Variants in FOXP1 observed in about 807,000 individuals in gnomAD.
The protein encoded by FOXP1 is forkhead box protein P1.
A neutral mutation model predicts 98.2 loss-of-function variants in FOXP1; 15 were observed. That is an observed-to-expected ratio of 0.15 (90% CI 0.10 to 0.24). The LOEUF (loss-of-function observed/expected upper bound fraction) is 0.24, where lower values mean the gene tolerates loss of function less well. Ranked by LOEUF, FOXP1 falls within the 10% of genes least tolerant of loss-of-function variation. The pLI is 1.00. For missense variants in FOXP1, 633 were observed against 848.5 expected (o/e 0.75, Z 3.15); for synonymous variants, 371 against 314.5 (o/e 1.18, Z -1.90).
At chr3:71,241,386 G>A (rs965268175) in intron 5 of FOXP1, among the ~76,000 whole-genome samples, 2 of 152,134 alleles carry the variant, frequency 1.3e-5, no homozygotes, top group Non-Finnish European at 2.9e-5. Context: ...CTGACTTAGG[G>A]GCGAGTGGAG....
At chr3:71,522,828 A>T (rs1198589842) in intron 2 of FOXP1, among the ~76,000 whole-genome samples, 2 of 152,146 alleles carry the variant, frequency 1.3e-5, no homozygotes, top group African/African-American at 4.8e-5. Context: ...TAAAGTCAAG[A>T]GAGACACTGC....
chr3:71,404,126 T>TTTC (rs2082142525), intron 3 of FOXP1, among the ~76,000 whole-genome samples: 1 of 47,172 alleles, frequency 2.1e-5, no homozygotes, highest in Non-Finnish European at 6.0e-5. Context: ...TTTTCTTTTT[T>TTTC]TTTTTTTTTT....
intron 3 of FOXP1, among the ~76,000 whole-genome samples, chr3:71,428,428 T>C (rs1222552110): frequency 6.6e-6 from 1 of 152,262 alleles, no homozygotes; most frequent in Non-Finnish European, 1.5e-5. Context: ...GTGCAAAATA[T>C]GGCAGCAGTA....
intron 4 of FOXP1, among the ~76,000 whole-genome samples, chr3:71,327,280 A>G (rs1006288801): frequency 8.7e-5 from 2 of 22,886 alleles, no homozygotes; most frequent in African/African-American, 1.7e-4. Context: ...TTGTTAGTCC[A>G]AAGAGGGGAA....
intron 6 of FOXP1, chr3:71,197,969 A>T (rs1294726643): frequency 6.2e-7 from 1 of 1,614,120 alleles, no homozygotes; most frequent in Non-Finnish European, 8.5e-7. Flanking sequence ...ACTGCTCCCC[A>T]CAAGGGGACC....
At chr3:70,963,759 G>A (rs1022028369) in intron 20 of FOXP1, among the ~76,000 whole-genome samples, 1 of 152,176 alleles carries the variant, frequency 6.6e-6, no homozygotes, top group East Asian at 1.9e-4. Flanking sequence ...CTCCTTTAGC[G>A]CCTATCAGGA....
chr3:71,444,766 T>C (rs982232720), intron 3 of FOXP1, among the ~76,000 whole-genome samples: 1 of 152,012 alleles, frequency 6.6e-6, no homozygotes, highest in Non-Finnish European at 1.5e-5. Context: ...CTTCCCTACA[T>C]CAGATAAGAA....
chr3:71,421,987 T>C (rs2083689375), intron 3 of FOXP1, among the ~76,000 whole-genome samples: 1 of 152,202 alleles, frequency 6.6e-6, no homozygotes, highest in Non-Finnish European at 1.5e-5. Flanking sequence ...AGATGCTTCC[T>C]TTTGAAATTT....
intron 5 of FOXP1, among the ~76,000 whole-genome samples, chr3:71,266,111 G>A (rs1332360137): frequency 2.0e-5 from 3 of 152,230 alleles, no homozygotes; most frequent in South Asian, 2.1e-4. Flanking sequence ...AACACAGCAA[G>A]CAAGCCAGGA....
chr3:71,322,788 G>T (rs977308625), intron 4 of FOXP1, among the ~76,000 whole-genome samples: 28 of 152,290 alleles, frequency 1.8e-4, no homozygotes, highest in Middle Eastern at 3.4e-3. Flanking sequence ...CAGAGATGCG[G>T]ATGCAGTAGA....
intron 3 of FOXP1, among the ~76,000 whole-genome samples, chr3:71,383,710 C>T (rs1045971276): frequency 1.3e-5 from 2 of 152,118 alleles, no homozygotes; most frequent in Non-Finnish European, 2.9e-5. Flanking sequence ...TGACACATCG[C>T]TTGAAACATG....
intron 11 of FOXP1, among the ~76,000 whole-genome samples, chr3:71,021,235 C>A (rs2045383816): frequency 6.6e-6 from 1 of 152,226 alleles, no homozygotes; most frequent in African/African-American, 2.4e-5. Context: ...AATCCCTAAT[C>A]TTTCTGTCTC....
At chr3:71,273,029 C>G (rs1008034778) in intron 5 of FOXP1, among the ~76,000 whole-genome samples, 2 of 152,192 alleles carry the variant, frequency 1.3e-5, no homozygotes, top group Non-Finnish European at 2.9e-5. Context: ...TAAGGGGAGG[C>G]CTCACACTCG....
intron 6 of FOXP1, among the ~76,000 whole-genome samples, chr3:71,170,756 C>T (rs1179465483): frequency 1.3e-5 from 2 of 152,172 alleles, no homozygotes; most frequent in Non-Finnish European, 2.9e-5. Context: ...CCTCCCAGAA[C>T]GACCACTAAT....
intron 2 of FOXP1, among the ~76,000 whole-genome samples, chr3:71,501,802 G>A (rs1213346397): frequency 6.6e-6 from 1 of 152,174 alleles, no homozygotes; most frequent in African/African-American, 2.4e-5. Context: ...TGAACTCGGT[G>A]TCTTTTACAT....
At chr3:71,220,253 T>C (rs2065256809) in intron 5 of FOXP1, among the ~76,000 whole-genome samples, 1 of 152,116 alleles carries the variant, frequency 6.6e-6, no homozygotes, top group East Asian at 1.9e-4. Flanking sequence ...ATGAATGAAA[T>C]ATTATACAGC....
chr3:71,053,731 G>A lies in FOXP1; in HGVS notation c.325C>T (p.Pro109Ser). ...TGGAGGATCTGCTGCATTTGCTGGG[G>A]AGTGATAACTTGAGGTGTCATCATA... Reference protein sequence around the residue: ...VAMMTPQVITPQQMQQILQQQ... With the variant: ...VAMMTPQVITSQQMQQILQQQ... The change falls in exon 8 of 21, where the codon CCC (proline) becomes TCC (serine). Residue 109 changes from proline to serine, a missense_variant. Pro to Ser is a moderately conservative substitution (Grantham distance 74). This residue lies in a region of FOXP1 where 210 missense variants were observed against 270.6 expected (regional missense o/e 0.78). Coordinates refer to ENST00000649528, the MANE Select transcript of FOXP1 (RefSeq NM_001349338.3). 6.2e-7 allele frequency: 1 copy of A among 1,614,104 alleles called. No individual in the cohort carries two copies. Among genetic ancestry groups the A allele is most frequent in the Middle Eastern group, 1.6e-4 (1 of 6,062 alleles).
intron 19 of FOXP1, among the ~76,000 whole-genome samples, chr3:70,967,644 T>C (rs532998055): frequency 1.3e-5 from 2 of 149,764 alleles, no homozygotes; most frequent in Non-Finnish European, 2.9e-5. Context: ...TCTTTCTTTT[T>C]GTTTTTTTTT....
At chr3:71,223,671 G>C (rs1426628703) in intron 5 of FOXP1, among the ~76,000 whole-genome samples, 4 of 148,438 alleles carry the variant, frequency 2.7e-5, no homozygotes, top group Non-Finnish European at 5.9e-5. Flanking sequence ...CTCCGGCCTG[G>C]TGACAGAGCG....
Sources: gnomAD v4.1 joint callset for allele counts (sites outside exome capture counted in the v4.1 genomes callset) on GRCh38, gnomAD v4.1.1 for gene constraint, gnomAD v4.1.1 regional missense constraint, MANE v1.5 for transcripts, NCBI Gene and HGNC (gene_info 2026-07-23, HGNC 2026-07-21) for gene names.